The following RP1 variants were observed in gnomAD, a reference collection of about 807,000 sequenced individuals.
The protein encoded by RP1 is RP1 axonemal microtubule associated.
A neutral mutation model predicts 14.8 loss-of-function variants in RP1; 16 were observed. The ratio of observed to expected loss-of-function variants is 1.08; its 90% CI spans 0.73 to 1.65. RP1 has a LOEUF of 1.65. RP1 is among the 40% of genes most tolerant of loss of function. RP1 has a pLI of 0.00. For synonymous variants in RP1, 876 were observed against 883.6 expected (o/e 0.99, Z 0.15); for missense variants, 2,631 against 2,535.0 (o/e 1.04, Z -0.81).
At chr8:54,744,462 G>T (rs1419416800) in intron 19 of RP1, among the ~76,000 whole-genome samples, 2 of 152,226 alleles carry the variant, frequency 1.3e-5, no homozygotes, top group African/African-American at 4.8e-5. Context: ...GAAAGGCAAA[G>T]TGTCTATTTG....
intron 6 of RP1, among the ~76,000 whole-genome samples, chr8:54,659,429 T>C (rs571703089): frequency 6.6e-6 from 1 of 152,220 alleles, no homozygotes; most frequent in Non-Finnish European, 1.5e-5. Context: ...TTCAACTTTA[T>C]TTATTTATTT....
At chr8:54,843,254 G>C (rs1435877898) in intron 25 of RP1, among the ~76,000 whole-genome samples, 1 of 152,198 alleles carries the variant, frequency 6.6e-6, no homozygotes, top group East Asian at 1.9e-4. Flanking sequence ...ATTTATTTAC[G>C]TATTTTTAGT....
At chr8:54,815,913 T>C (rs1460015666) in intron 24 of RP1, among the ~76,000 whole-genome samples, 2 of 152,224 alleles carry the variant, frequency 1.3e-5, no homozygotes, top group Non-Finnish European at 1.5e-5. Context: ...TGAGTGGTAT[T>C]ATTACTTCAG....
intron 28 of RP1, among the ~76,000 whole-genome samples, chr8:54,869,135 T>C (rs1812522554): frequency 6.6e-6 from 1 of 152,126 alleles, no homozygotes; most frequent in Non-Finnish European, 1.5e-5. Flanking sequence ...CTTTGAAATA[T>C]AAAGATAGTA....
In RP1 at chr8:54,670,564, C is replaced by CAT. The variant is rs1481099906; in HGVS notation, c.1324-3279_1324-3278dup. 2.6e-5 allele frequency among the ~76,000 whole-genome samples: 3 copies of CAT among 116,408 alleles called. 1 individual carries two copies. The highest frequency in any genetic ancestry group is 1.8e-4 in the Admixed American group (2 of 10,932). The allele number at this position is 116,408 out of a possible 152,430, so 76.4% of individuals were successfully genotyped here. On this transcript the variant is annotated intron_variant, in intron 7 of 22. Coordinates refer to the RP1 transcript ENST00000636932. Reference sequence around the variant, plus strand: ...ATATGTATGTATATGTATATATATACATATATATGTATGTATATGTATATA... The same window carrying CAT: ...ATATGTATGTATATGTATATATATACATATATATATGTATGTATATGTATATA...
At chr8:54,818,467 CTA>C (rs1213873961) in intron 24 of RP1, among the ~76,000 whole-genome samples, 1 of 152,180 alleles carries the variant, frequency 6.6e-6, no homozygotes, top group African/African-American at 2.4e-5. Context: ...AAAGTGGCAG[CTA>C]TATCAAAACA....
intron 6 of RP1, among the ~76,000 whole-genome samples, chr8:54,657,511 C>T (rs1806781277): frequency 6.6e-6 from 1 of 152,116 alleles, no homozygotes; most frequent in South Asian, 2.1e-4. Context: ...GTGGTAGATA[C>T]AGCAAATGAT....
At chr8:54,845,581 G>C (rs1175168614) in intron 25 of RP1, among the ~76,000 whole-genome samples, 1 of 152,182 alleles carries the variant, frequency 6.6e-6, no homozygotes, top group Non-Finnish European at 1.5e-5. Context: ...GCCTGATACA[G>C]CACTGATAAC....
intron 19 of RP1, among the ~76,000 whole-genome samples, chr8:54,749,763 C>T (rs555967564): frequency 1.0e-3 from 159 of 152,030 alleles, no homozygotes; most frequent in South Asian, 4.4e-3. Context: ...TCTAGGGACC[C>T]AGGAGACTAG....
chr8:54,608,863 A>C (rs417545), intron 1 of RP1, among the ~76,000 whole-genome samples: 150,830 of 152,324 alleles, frequency 0.99, 74,682 homozygotes, highest in East Asian at 1. Context: ...TTCCCTCTAC[A>C]TCTAAGCACC....
At position 54,752,699 on chromosome 8, in the gene RP1, A is replaced by G. The variant is rs80174267; in HGVS notation, c.2809-2104A>G. 6.6e-5 allele frequency among the ~76,000 whole-genome samples: 10 copies of G among 151,846 alleles called. No individual in the cohort carries two copies. The East Asian group carries it at 1.2e-3, about 18-fold the overall frequency. ...CACGCTCATACCCACACACTTGCAT[A>G]CCCCCCACACTCTCACACTGGGACC... is the stretch of plus-strand genomic sequence containing the variant. On this transcript the variant is annotated intron_variant, in intron 19 of 22. Coordinates refer to the RP1 transcript ENST00000636932.
chr8:54,767,595 G>C (rs1809791827), intron 22 of RP1, among the ~76,000 whole-genome samples: 1 of 151,996 alleles, frequency 6.6e-6, no homozygotes. Flanking sequence ...CCTGACCTCA[G>C]GTGATCCATC....
At chr8:54,609,222 A>G (rs996112675) in intron 1 of RP1, among the ~76,000 whole-genome samples, 37 of 152,054 alleles carry the variant, frequency 2.4e-4, no homozygotes, top group African/African-American at 8.7e-4. Context: ...TTTGTGTGGG[A>G]GGCCAAGGTA....
At chr8:54,855,907 A>G (rs1812183997) in intron 26 of RP1, among the ~76,000 whole-genome samples, 1 of 147,708 alleles carries the variant, frequency 6.8e-6, no homozygotes, top group African/African-American at 2.5e-5. Context: ...TATTAGTATA[A>G]GTATTTTTAG....
intron 9 of RP1, chr8:54,678,560 G>A (rs980021202): frequency 1.7e-5 from 26 of 1,517,626 alleles, no homozygotes; most frequent in African/African-American, 4.2e-5. Context: ...CTTTTACATC[G>A]AAAAAATCCA....
Position 54,626,880 on chromosome 8 carries a change from G to A in RP1, c.2998G>A (p.Gly1000Ser). 1 of 1,613,826 alleles carries A rather than the reference G, an allele frequency of 6.2e-7. No individual in the cohort carries two copies. Among genetic ancestry groups the A allele is most frequent in the African/African-American group, 1.3e-5 (1 of 75,040 alleles). Residue 1000 changes from glycine to serine, a missense_variant, in exon 4 of 4, where the codon GGT (glycine) becomes AGT (serine). Coordinates refer to ENST00000220676, the MANE Select transcript of RP1 (RefSeq NM_006269.2). ...TAAGTCTTTTATTGCCAATGACACT[G>A]GTGAAGAAGATCTCCATGAGACACA... ...GDKSFIANDTGEEDLHETQVG... is the reference protein window; with the variant it reads ...GDKSFIANDTSEEDLHETQVG...
At position 54,581,218 on chromosome 8, in the gene RP1, A is replaced by G. The variant is rs186299774; in HGVS notation, c.-13+21898A>G. On this transcript the variant is annotated intron_variant, in intron 1 of 22. Coordinates refer to the RP1 transcript ENST00000636932. ...CCCCTTCCTGTGTCCATGTATTCTC[A>G]TTGTTCAATTCCCACCTATGAGTGA... 7.4e-3 allele frequency among the ~76,000 whole-genome samples: 1,058 copies of G among 143,508 alleles called. 11 individuals are homozygous for G. Among genetic ancestry groups the G allele is most frequent in the African/African-American group, 0.026 (1,000 of 38,272 alleles). 94.1% of individuals were successfully genotyped at this position (143,508 alleles called of 152,430 possible).
chr8:54,797,007 T>C (rs1810592562), intron 24 of RP1, among the ~76,000 whole-genome samples: 2 of 152,318 alleles, frequency 1.3e-5, no homozygotes, highest in Admixed American at 6.5e-5. Flanking sequence ...GTTCTGGATA[T>C]AGAGCCACTT....
chr8:54,814,860 ACT>A (rs1811099845), intron 24 of RP1, among the ~76,000 whole-genome samples: 1 of 151,974 alleles, frequency 6.6e-6, no homozygotes, highest in African/African-American at 2.4e-5. Flanking sequence ...ACATGCACAC[ACT>A]CTCTCCCCAC....
Sources: allele counts gnomAD v4.1 joint callset (sites outside exome capture counted in the v4.1 genomes callset), GRCh38; gene constraint gnomAD v4.1.1; transcripts MANE v1.5; gene names NCBI Gene and HGNC (gene_info 2026-07-23, HGNC 2026-07-21).